The following CATSPERB variants were observed in gnomAD, a reference collection of about 807,000 sequenced individuals.
CATSPERB encodes cation channel sperm-associated auxiliary subunit beta.
Under a neutral mutation model 128.3 loss-of-function variants are expected in CATSPERB, and 93 were observed. That is an observed-to-expected ratio of 0.72 (90% CI 0.61 to 0.86). CATSPERB has a LOEUF of 0.86. Ranked by LOEUF, CATSPERB falls within the 40% of genes least tolerant of loss-of-function variation. The pLI is 0.00. For synonymous variants in CATSPERB, 381 were observed against 448.8 expected, an observed-to-expected ratio of 0.85 and a Z score of 1.91; for missense variants, 1,153 against 1,329.5, an observed-to-expected ratio of 0.87 and a Z score of 2.06.
intron 6 of CATSPERB, among the ~76,000 whole-genome samples, chr14:91,706,150 A>T (rs751135251): frequency 3.3e-5 from 5 of 152,084 alleles, no homozygotes; most frequent in African/African-American, 4.8e-5. Context: ...TTTATGTGAT[A>T]TTTTTTTCAC....
At chr14:91,646,660 A>G (rs749437768) in intron 15 of CATSPERB, among the ~76,000 whole-genome samples, 6 of 152,150 alleles carry the variant, frequency 3.9e-5, no homozygotes, top group Admixed American at 2.6e-4. Context: ...GAGGTTGTCT[A>G]TCTCCACAAT....
At position 91,608,379 on chromosome 14, in the gene CATSPERB, A is replaced by G. The variant is rs1357232751; in HGVS notation, c.2624T>C (p.Met875Thr). ...LPINYRPPSN[M>T]GIAIPLTDNF... ...ATCTGTGAGTGGAATAGCAATTCCC[A>G]TATTAGATGGAGGCCTGTAGTTTAT... The change falls in exon 22 of 27, where the codon ATG becomes ACG. Residue 875 changes from methionine to threonine, a missense_variant. Met to Thr is a moderately conservative substitution (Grantham distance 81, BLOSUM62 -1). Transcript: ENST00000256343. 6 of 1,604,456 alleles carry G rather than the reference A, an allele frequency of 3.7e-6. No individual in the cohort carries two copies. The highest frequency in any genetic ancestry group is 5.1e-6 in the Non-Finnish European group (6 of 1,171,562).
intron 10 of CATSPERB, 54 bp downstream of exon 10, chr14:91,691,469 T>A: frequency 7.6e-7 from 1 of 1,307,652 alleles, no homozygotes; most frequent in Non-Finnish European, 1.0e-6. Context: ...CATCTCAAGT[T>A]ACCAAGTAAA....
intron 10 of CATSPERB, among the ~76,000 whole-genome samples, chr14:91,690,467 T>C (rs989161017): frequency 2.0e-5 from 3 of 152,230 alleles, no homozygotes; most frequent in Non-Finnish European, 4.4e-5. Flanking sequence ...TCTGGCATCC[T>C]ACTCCTTCAT....
intron 16 of CATSPERB, 94 bp from the exon 17 acceptor site, chr14:91,636,673 A>T: frequency 9.4e-7 from 1 of 1,060,730 alleles, no homozygotes; most frequent in Non-Finnish European, 1.3e-6. Flanking sequence ...AGTTCACATT[A>T]AAACAATACT....
intron 15 of CATSPERB, among the ~76,000 whole-genome samples, chr14:91,652,670 C>CAAAAAAAAAAAAAAAAAA (rs58608847): frequency 1.4e-5 from 1 of 69,166 alleles, no homozygotes; most frequent in Non-Finnish European, 2.5e-5. Flanking sequence ...GACTCTGTCT[C>CAAAAAAAAAAAAAAAAAA]AAAAAAAAAA....
chr14:91,607,831 T>C (rs75646997), intron 22 of CATSPERB, among the ~76,000 whole-genome samples: 6,478 of 152,216 alleles, frequency 0.043, 412 homozygotes, highest in African/African-American at 0.14. Flanking sequence ...CTGAACCTAA[T>C]GGCTCCTCCC....
At chr14:91,615,353 A>C (rs1006355903) in intron 20 of CATSPERB, among the ~76,000 whole-genome samples, 16 of 152,158 alleles carry the variant, frequency 1.1e-4, no homozygotes, top group Non-Finnish European at 5.9e-5. Flanking sequence ...TTTCATCCTG[A>C]AACCATGCCC....
At chr14:91,607,275 C>A (rs781550693) in intron 22 of CATSPERB, among the ~76,000 whole-genome samples, 2 of 151,954 alleles carry the variant, frequency 1.3e-5, no homozygotes, top group East Asian at 3.9e-4. Context: ...TAGGTAAAAC[C>A]GTAGTAAGCG....
chr14:91,719,331 C>T, intron 5 of CATSPERB, 87 bp downstream of exon 5: 1 of 926,898 alleles, frequency 1.1e-6, no homozygotes, highest in Non-Finnish European at 1.6e-6. Context: ...CATAACAAAT[C>T]ACTTTTAAGA....
chr14:91,665,066 A>T (rs372163969), intron 14 of CATSPERB, among the ~76,000 whole-genome samples: 4 of 144,808 alleles, frequency 2.8e-5, no homozygotes, highest in Non-Finnish European at 6.1e-5. Context: ...ATTTTTTTTT[A>T]TTTTTTGGTG....
chr14:91,590,406 C>G (rs1488940263), intron 23 of CATSPERB, among the ~76,000 whole-genome samples: 1 of 151,976 alleles, frequency 6.6e-6, no homozygotes, highest in Non-Finnish European at 1.5e-5. Flanking sequence ...TGGTGGGCAC[C>G]TATAGTCCCA....
At chr14:91,626,067 G>A (rs1342133077) in intron 17 of CATSPERB, among the ~76,000 whole-genome samples, 2 of 152,196 alleles carry the variant, frequency 1.3e-5, no homozygotes, top group Non-Finnish European at 1.5e-5. Context: ...GGAGGTTGCA[G>A]TGAGCTGAGA....
chr14:91,613,293 G>A (rs920623516), intron 20 of CATSPERB, among the ~76,000 whole-genome samples: 5 of 152,094 alleles, frequency 3.3e-5, no homozygotes, highest in Admixed American at 1.3e-4. Context: ...GGTAATGGAT[G>A]TATGGAAGTT....
At chr14:91,712,906 G>C (rs933401021) in intron 5 of CATSPERB, among the ~76,000 whole-genome samples, 1 of 152,184 alleles carries the variant, frequency 6.6e-6, no homozygotes, top group Admixed American at 6.5e-5. Context: ...CGCAGACATG[G>C]GGAGAACACG....
In CATSPERB at chr14:91,715,536, G is replaced by A. The variant is rs191124436; in HGVS notation, c.370+3882C>T. Among the ~76,000 whole-genome samples, 756 of 126,838 alleles carry A rather than the reference G, an allele frequency of 6.0e-3. 6 individuals carry two copies. The Middle Eastern group carries it at 0.088, about 15-fold the overall frequency. 83.2% of individuals were successfully genotyped at this position (126,838 alleles called of 152,430 possible). On this transcript the variant is annotated intron_variant, in intron 5 of 26. Coordinates refer to ENST00000256343, the MANE Select transcript of CATSPERB (RefSeq NM_024764.4). Reference sequence around the variant, plus strand: ...CAATGCACTCCAGCCTGGGCAATAAGAGTGAGACTCCATCTCAAAAAAAAA... The same window carrying A: ...CAATGCACTCCAGCCTGGGCAATAAAAGTGAGACTCCATCTCAAAAAAAAA...
chr14:91,648,566 T>C (rs1204327781), intron 15 of CATSPERB, among the ~76,000 whole-genome samples: 1 of 152,106 alleles, frequency 6.6e-6, no homozygotes, highest in Non-Finnish European at 1.5e-5. Context: ...AGTTCATTTT[T>C]GTATATTTAC....
At chr14:91,667,354 G>C (rs1395563414) in intron 14 of CATSPERB, among the ~76,000 whole-genome samples, 2 of 152,054 alleles carry the variant, frequency 1.3e-5, no homozygotes, top group African/African-American at 4.8e-5. Flanking sequence ...CAGAGGCAGG[G>C]AAATACCAGC....
At chr14:91,668,780 A>G (rs1895034227) in intron 14 of CATSPERB, among the ~76,000 whole-genome samples, 1 of 152,220 alleles carries the variant, frequency 6.6e-6, no homozygotes, top group South Asian at 2.1e-4. Flanking sequence ...GAAGGTCTGC[A>G]GCTTCACTCC....
Sources: allele counts gnomAD v4.1 joint callset (sites outside exome capture counted in the v4.1 genomes callset), GRCh38; gene constraint gnomAD v4.1.1; transcripts MANE v1.5; gene names NCBI Gene and HGNC (gene_info 2026-07-23, HGNC 2026-07-21).